The following SPDYE5 variants were observed in gnomAD, a reference collection of about 807,000 sequenced individuals.
SPDYE5 encodes speedy protein E5.
SPDYE5 carries 15 observed loss-of-function variants against 48.5 expected under a neutral mutation model. The ratio of observed to expected loss-of-function variants is 0.31; its 90% CI spans 0.21 to 0.48. The LOEUF (loss-of-function observed/expected upper bound fraction) is 0.48. Among genes scored for constraint, SPDYE5 ranks in the 20% least tolerant of loss-of-function variants. The probability of loss-of-function intolerance (pLI) is 0.99; values close to 1 mark genes in which losing one functional copy is unlikely to be tolerated. For synonymous variants in SPDYE5, 116 were observed against 200.7 expected, an observed-to-expected ratio of 0.58 and a Z score of 3.57; for missense variants, 331 against 549.1, an observed-to-expected ratio of 0.60 and a Z score of 3.97.
chr7:75,503,057 AG>A lies in SPDYE5; in HGVS notation c.*272del, dbSNP rs1404029981. ...AGTCCTTGGAGAAAAGTAAGAAACC[AG>A]GAGTGTTTCCAGTTCCACCCTTTCC... On this transcript the variant is annotated 3_prime_UTR_variant, in exon 9 of 9. Coordinates refer to ENST00000625065, the MANE Select transcript of SPDYE5 (RefSeq NM_001306141.4). 1 of 497,202 alleles carries A rather than the reference AG, an allele frequency of 2.0e-6. No homozygotes were observed. 30.8% of individuals were successfully genotyped at this position (497,202 alleles called of 1,614,324 possible). A position where few individuals can be genotyped will look rare whatever the true frequency, so the allele number is the denominator to read the frequency against.
chr7:75,501,513 C>T lies in SPDYE5; in HGVS notation c.907C>T (p.Arg303Cys), dbSNP rs782521496. The change falls in exon 7 of 9, where the codon CGC becomes TGC. Residue 303 changes from arginine to cysteine, a missense_variant. Transcript: ENST00000625065. ...CATGAACCCGAGGGCCAGGAAGAAG[C>T]GCTCTCGCATACCCTTGCTCCGTAA... The part of the protein sequence containing the change: ...RSMNPRARKK[R>C]SRIPLLRKRR... 10 of 954,354 alleles carry T rather than the reference C, an allele frequency of 1.0e-5. No homozygotes were observed. The highest frequency in any genetic ancestry group is 8.3e-5 in the Admixed American group (3 of 36,326). The allele number at this position is 954,354 out of a possible 1,614,324, so 59.1% of individuals were successfully genotyped here.
chr7:75,498,968 A>G (rs1418276549), intron 5 of SPDYE5, among the ~76,000 whole-genome samples: 31 of 146,024 alleles, frequency 2.1e-4, no homozygotes, highest in African/African-American at 7.5e-4. Flanking sequence ...ACACCAGCCG[A>G]CCTAGACACA....
chr7:75,496,809 T>G lies in SPDYE5; in HGVS notation c.515T>G (p.Val172Gly). 1 of 1,539,478 alleles carries G rather than the reference T, an allele frequency of 6.5e-7. No homozygotes were observed. Among genetic ancestry groups the G allele is most frequent in the Non-Finnish European group, 8.7e-7 (1 of 1,148,484 alleles). ...VLAPEPEEIW[V>G]AEMLCGLKMK... ...GCCCCTGAGCCTGAGGAGATCTGGG[T>G]GGCGGAGATGCTGTGTGGCCTCAAG... The change falls in exon 4 of 9, where the codon GTG becomes GGG. Residue 172 changes from valine (V) to glycine (G), a missense_variant. Val to Gly is a moderately radical substitution (Grantham distance 109, BLOSUM62 -3). Around this residue, in one of 8 missense-constraint regions of SPDYE5, gnomAD observed 7 missense variants for 38.0 expected, o/e 0.18. Transcript: ENST00000625065.
chr7:75,498,883 G>A (rs1469609395), intron 5 of SPDYE5, among the ~76,000 whole-genome samples: 16 of 151,964 alleles, frequency 1.1e-4, no homozygotes, highest in Non-Finnish European at 2.1e-4. Context: ...TCTGGCCGCA[G>A]CCCTGAAGCT....
intron 8 of SPDYE5, 78 bp downstream of exon 8, chr7:75,502,060 C>T (rs1257535529): frequency 3.7e-5 from 54 of 1,479,260 alleles, no homozygotes; most frequent in East Asian, 7.1e-5. Flanking sequence ...TTGCTTGATC[C>T]GGCTTCAAGC....
upstream of SPDYE5, among the ~76,000 whole-genome samples, chr7:75,491,698 A>G (rs1436099090): frequency 1.6e-5 from 2 of 126,954 alleles, no homozygotes; most frequent in African/African-American, 5.8e-5. Flanking sequence ...TGGGCTGTTT[A>G]GCCATTTTTT....
intron 6 of SPDYE5, among the ~76,000 whole-genome samples, chr7:75,500,851 G>A (rs1195176430): frequency 6.6e-6 from 1 of 151,960 alleles, no homozygotes; most frequent in Non-Finnish European, 1.5e-5. Flanking sequence ...TAGGCCTAAC[G>A]GGTGTGCCAC....
rs1354152918 is a variant in SPDYE5, at chr7:75,503,247, A to G, written c.*460A>G. ...ATTTCTTCTGTGAAATATCAGTGCC[A>G]CAGATTGTAACAGATAGCTTCATGC... On this transcript the variant is annotated 3_prime_UTR_variant, in exon 9 of 9. Transcript: ENST00000625065. 5.4e-5 allele frequency: 17 copies of G among 315,886 alleles called. No homozygotes were observed. The Admixed American group carries it at 7.5e-4, about 14-fold the overall frequency. The allele number at this position is 315,886 out of a possible 1,614,324, so 19.6% of individuals were successfully genotyped here.
At chr7:75,497,602 C>T (rs587762816) in intron 4 of SPDYE5, among the ~76,000 whole-genome samples, 1 of 135,770 alleles carries the variant, frequency 7.4e-6, no homozygotes, top group African/African-American at 3.2e-5. Flanking sequence ...ATGGTCACAC[C>T]CTGATGTGAC....
At chr7:75,497,051 G>T in intron 4 of SPDYE5, 147 bp downstream of exon 4, 1 of 616,640 alleles carries the variant, frequency 1.6e-6, no homozygotes. Flanking sequence ...ACTCATGAGG[G>T]ACACTTAGGA....
At chr7:75,493,128 C>T (rs1301362789) in intron 1 of SPDYE5, among the ~76,000 whole-genome samples, 1 of 151,968 alleles carries the variant, frequency 6.6e-6, no homozygotes, top group Admixed American at 6.6e-5. Flanking sequence ...TCTTTTTGTA[C>T]ATGTGATATT....
At position 75,501,912 on chromosome 7, in the gene SPDYE5, C is replaced by G; in HGVS notation, c.1184C>G (p.Ala395Gly). Residue 395 changes from alanine to glycine, a missense_variant, in exon 8 of 9, where the codon GCG becomes GGG. Coordinates refer to ENST00000625065, the MANE Select transcript of SPDYE5 (RefSeq NM_001306141.4). ...TATGACCCAGAGCACTGGGTGTGGGCGCGAGATCGCGCTCACCTTTCCTAG... is the reference window on the plus strand; with the variant it reads ...TATGACCCAGAGCACTGGGTGTGGGGGCGAGATCGCGCTCACCTTTCCTAG... ...QAYDPEHWVWARDRAHLS is the reference protein window; with the variant it reads ...QAYDPEHWVWGRDRAHLS 6.2e-7 allele frequency: 1 copy of G among 1,610,038 alleles called. No homozygotes were observed. The highest frequency in any genetic ancestry group is 8.5e-7 in the Non-Finnish European group (1 of 1,179,102).
chr7:75,502,573 C>A lies in SPDYE5; in HGVS notation c.*46-260C>A, dbSNP rs1441846800. Among the ~76,000 whole-genome samples, 38 of 152,074 alleles carry A rather than the reference C, an allele frequency of 2.5e-4. 1 individual carries two copies. Among genetic ancestry groups the A allele is most frequent in the South Asian group, 6.2e-4 (3 of 4,822 alleles). Reference sequence around the variant, plus strand: ...CTCTGAGGGTGCCCTACTCCCTGGGCAGACCCACCCAAAGTCCTTGCTATG... The same window carrying A: ...CTCTGAGGGTGCCCTACTCCCTGGGAAGACCCACCCAAAGTCCTTGCTATG... On this transcript the variant is annotated intron_variant, in intron 8 of 8. Transcript: ENST00000625065.
Position 75,497,855 on chromosome 7 carries a change from A to C in SPDYE5, c.611-83A>C. The C allele has an allele frequency of 6.4e-6, 8 of 1,252,606 alleles. No homozygotes were observed. The South Asian group carries it at 9.6e-5, about 15-fold the overall frequency. The allele number at this position is 1,252,606 out of a possible 1,614,324, so 77.6% of individuals were successfully genotyped here. On this transcript the variant is annotated intron_variant, in intron 4 of 8. Coordinates refer to ENST00000625065, the MANE Select transcript of SPDYE5 (RefSeq NM_001306141.4). Reference sequence around the variant, plus strand: ...CACAATCCTGAGACTTCCCCCCGGGAGGCACACTTCTCCTCGCTGCCCTGC... The same window carrying C: ...CACAATCCTGAGACTTCCCCCCGGGCGGCACACTTCTCCTCGCTGCCCTGC...
Position 75,493,846 on chromosome 7 carries a change from T to C in SPDYE5, c.-202T>C. 1 of 1,440,546 alleles carries C rather than the reference T, an allele frequency of 6.9e-7. No homozygotes were observed. The highest frequency in any genetic ancestry group is 2.8e-5 in the Admixed American group (1 of 35,768). 89.2% of individuals were successfully genotyped at this position (1,440,546 alleles called of 1,614,324 possible). Reference sequence around the variant, plus strand: ...TCAGCCTGGCAGTTACATGTGTTTTTTTTCAAACTGGTTGCCAGGTTGGCA... The same window carrying C: ...TCAGCCTGGCAGTTACATGTGTTTTCTTTCAAACTGGTTGCCAGGTTGGCA... On this transcript the variant is annotated 5_prime_UTR_variant, in exon 2 of 9. Coordinates refer to ENST00000625065, the MANE Select transcript of SPDYE5 (RefSeq NM_001306141.4).
At chr7:75,496,604 G>A (rs1792942226) in intron 3 of SPDYE5, 70 bp from the exon 4 acceptor site, 2 of 1,596,440 alleles carry the variant, frequency 1.3e-6, no homozygotes, top group Non-Finnish European at 1.7e-6. Flanking sequence ...GAGTGGTTTG[G>A]GGTTTTGGGT....
In SPDYE5 at chr7:75,501,719, C is replaced by A; in HGVS notation, c.1113C>A (p.Ser371Arg). 1 of 1,582,268 alleles carries A rather than the reference C, an allele frequency of 6.3e-7. No homozygotes were observed. The highest frequency in any genetic ancestry group is 1.1e-5 in the South Asian group (1 of 90,608). ...KRRFQFFCSM[S>R]GRAWVSPEEL... ...GGTTCCAGTTCTTCTGTTCCATGAG[C>A]GGCAGGGCTTGGGTTTCCCCGGAGG... Residue 371 changes from serine (S) to arginine (R), a missense_variant, in exon 7 of 9, where the codon AGC (serine) becomes AGA (arginine). Physicochemically the swap from Ser to Arg is moderately radical, Grantham distance 110 (BLOSUM62 -1). Transcript: ENST00000625065.
At chr7:75,494,516 CAA>C (rs1280246072) in intron 2 of SPDYE5, among the ~76,000 whole-genome samples, 3,965 of 117,944 alleles carry the variant, frequency 0.034, 62 homozygotes, top group Middle Eastern at 0.12. Context: ...TACTGCACTC[CAA>C]AAAAAAAAAA....
rs1554482360 is a variant in SPDYE5 at position 75,495,271 on chromosome 7, G to C, written c.276G>C (p.Glu92Asp). The change falls in exon 3 of 9, where the codon GAG becomes GAC. Residue 92 changes from glutamate (E) to aspartate (D), a missense_variant. Transcript: ENST00000625065. ...PEKELAPEPE[E>D]TWVVEMLCGL... ...AGGAGCTCGCCCCTGAACCTGAGGAGACCTGGGTAGTGGAGATGCTGTGTG... is the reference window on the plus strand; with the variant it reads ...AGGAGCTCGCCCCTGAACCTGAGGACACCTGGGTAGTGGAGATGCTGTGTG... 1 of 1,567,408 alleles carries C rather than the reference G, an allele frequency of 6.4e-7. No homozygotes were observed. The highest frequency in any genetic ancestry group is 2.3e-5 in the East Asian group (1 of 42,926).
Sources: gnomAD v4.1 joint callset for allele counts (sites outside exome capture counted in the v4.1 genomes callset) on GRCh38, gnomAD v4.1.1 for gene constraint, gnomAD v4.1.1 regional missense constraint, MANE v1.5 for transcripts, NCBI Gene and HGNC (gene_info 2026-07-23, HGNC 2026-07-21) for gene names.